The following DGKB variants were observed in gnomAD, a reference collection of about 807,000 sequenced individuals.
DGKB encodes the protein diacylglycerol kinase beta.
DGKB carries 67 observed loss-of-function variants against 114.3 expected under a neutral mutation model. That is an observed-to-expected ratio of 0.59 (90% CI 0.48 to 0.72). The LOEUF (loss-of-function observed/expected upper bound fraction) is 0.72. Among genes scored for constraint, DGKB ranks in the 30% least tolerant of loss-of-function variants. The probability of loss-of-function intolerance (pLI) is 0.00; values close to 1 mark genes in which losing one functional copy is unlikely to be tolerated. For missense variants in DGKB, 907 were observed against 975.2 expected (o/e 0.93, Z 0.93); for synonymous variants, 398 against 323.1 (o/e 1.23, Z -2.49).
At chr7:14,885,166 CT>C (rs1292583091) in intron 1 of DGKB, among the ~76,000 whole-genome samples, 1 of 151,880 alleles carries the variant, frequency 6.6e-6, no homozygotes, top group Non-Finnish European at 1.5e-5. Context: ...CAAAATCAGT[CT>C]GTGTAGGAAG....
At chr7:14,932,626 A>G (rs2128251412) in intron 1 of DGKB, among the ~76,000 whole-genome samples, 1 of 152,322 alleles carries the variant, frequency 6.6e-6, no homozygotes, top group African/African-American at 2.4e-5. Context: ...CATTCAAAAC[A>G]TAGACATCAT....
intron 1 of DGKB, among the ~76,000 whole-genome samples, chr7:14,972,765 C>A (rs9648195): frequency 0.38 from 57,353 of 151,464 alleles, 11,987 homozygotes; most frequent in East Asian, 0.63. Context: ...TTGCCTCTTT[C>A]AAAATTTTTA....
At chr7:14,665,325 G>A (rs1293834503) in intron 13 of DGKB, among the ~76,000 whole-genome samples, 1 of 151,906 alleles carries the variant, frequency 6.6e-6, no homozygotes. Flanking sequence ...ATGAGAGCTC[G>A]ATGATGAGAA....
At chr7:14,665,375 G>A (rs1165004360) in intron 13 of DGKB, among the ~76,000 whole-genome samples, 2 of 151,862 alleles carry the variant, frequency 1.3e-5, no homozygotes, top group African/African-American at 2.4e-5. Context: ...AGAGGGTGGA[G>A]GGTGGGAGGA....
At chr7:14,259,386 T>C (rs183211724) in intron 23 of DGKB, among the ~76,000 whole-genome samples, 158 of 72,638 alleles carry the variant, frequency 2.2e-3, no homozygotes, top group African/African-American at 7.6e-3. Flanking sequence ...AGTTTCTCTC[T>C]CTCTCTCTCT....
intron 15 of DGKB, among the ~76,000 whole-genome samples, chr7:14,614,982 T>C (rs1001240151): frequency 6.6e-6 from 1 of 152,066 alleles, no homozygotes; most frequent in African/African-American, 2.4e-5. Flanking sequence ...CGGATTGCAA[T>C]GGGTACCCCT....
At chr7:14,177,430 C>T (rs1338446715) in intron 24 of DGKB, among the ~76,000 whole-genome samples, 1 of 151,658 alleles carries the variant, frequency 6.6e-6, no homozygotes, top group Non-Finnish European at 1.5e-5. Context: ...TTGGCGGGTG[C>T]CTGTAATCCC....
chr7:14,242,472 C>G (rs1311793737), intron 23 of DGKB, among the ~76,000 whole-genome samples: 4 of 152,268 alleles, frequency 2.6e-5, no homozygotes, highest in South Asian at 4.1e-4. Context: ...ACTCAGATTA[C>G]TGCGTGTCTG....
At chr7:14,767,286 G>A (rs529269000) in intron 2 of DGKB, among the ~76,000 whole-genome samples, 224 of 151,994 alleles carry the variant, frequency 1.5e-3, no homozygotes, top group African/African-American at 5.1e-3. Context: ...CTTCATAGCA[G>A]AAGGTCTGGC....
intron 23 of DGKB, among the ~76,000 whole-genome samples, chr7:14,311,406 C>A (rs1459717062): frequency 6.6e-6 from 1 of 152,072 alleles, no homozygotes; most frequent in Non-Finnish European, 1.5e-5. Flanking sequence ...TCGCTTCACC[C>A]ACAACTTTAT....
At chr7:14,698,460 G>A (rs755041679) in intron 7 of DGKB, among the ~76,000 whole-genome samples, 5 of 152,046 alleles carry the variant, frequency 3.3e-5, no homozygotes, top group Non-Finnish European at 5.9e-5. Flanking sequence ...GAAGAAAGCA[G>A]GACCAAATAC....
Position 14,537,948 on chromosome 7 carries a change from C to T in DGKB, c.1770+36264G>A, listed in dbSNP as rs562747049. Among the ~76,000 whole-genome samples, 7 of 151,972 alleles carry T rather than the reference C, an allele frequency of 4.6e-5. No individual in the cohort carries two copies. The East Asian group carries it at 7.8e-4, about 17-fold the overall frequency. ...ATACAAAATTAGCCAGGCGTGGCGG[C>T]GCATGCCTGTAATACCAGCTACTCA... On this transcript the variant is annotated intron_variant, in intron 20 of 25. Coordinates refer to ENST00000402815, the MANE Select transcript of DGKB (RefSeq NM_001350709.2).
intron 23 of DGKB, among the ~76,000 whole-genome samples, chr7:14,276,060 A>C (rs1179675532): frequency 1.3e-5 from 2 of 152,156 alleles, no homozygotes; most frequent in Non-Finnish European, 2.9e-5. Context: ...GGGGCTTTTA[A>C]TATTCAAAAA....
At chr7:14,345,985 T>G (rs936827820) in intron 21 of DGKB, among the ~76,000 whole-genome samples, 5 of 151,492 alleles carry the variant, frequency 3.3e-5, no homozygotes, top group Admixed American at 1.3e-4. Context: ...GATTTTTATA[T>G]TATCTAGTAT....
intron 23 of DGKB, among the ~76,000 whole-genome samples, chr7:14,256,175 A>G (rs1795941977): frequency 6.6e-6 from 1 of 151,924 alleles, no homozygotes; most frequent in Non-Finnish European, 1.5e-5. Context: ...TTTTACTTTT[A>G]TCTCTCATAT....
chr7:14,825,016 GTATATA>G (rs67135250), intron 2 of DGKB, among the ~76,000 whole-genome samples: 4,163 of 92,286 alleles, frequency 0.045, 86 homozygotes, highest in East Asian at 0.057. Context: ...GTATGTGTAT[GTATATA>G]TATATATATA....
intron 17 of DGKB, among the ~76,000 whole-genome samples, chr7:14,595,595 T>C (rs547363382): frequency 6.7e-6 from 1 of 149,972 alleles, no homozygotes; most frequent in South Asian, 2.1e-4. Flanking sequence ...AAGTGATGTA[T>C]ATATATAAAT....
At chr7:14,911,672 A>T (rs753896096) in intron 1 of DGKB, among the ~76,000 whole-genome samples, 1 of 152,164 alleles carries the variant, frequency 6.6e-6, no homozygotes, top group East Asian at 1.9e-4. Context: ...CACCTGAGAA[A>T]GATGTATGTG....
chr7:14,683,033 T>C (rs1235938415), intron 10 of DGKB, among the ~76,000 whole-genome samples, 192 bp from the exon 11 acceptor site: 2 of 152,154 alleles, frequency 1.3e-5, no homozygotes, highest in Non-Finnish European at 2.9e-5. Context: ...GTACAGGAAA[T>C]ATTATGCATG....
Sources: gnomAD v4.1 joint callset for allele counts (sites outside exome capture counted in the v4.1 genomes callset) on GRCh38, gnomAD v4.1.1 for gene constraint, MANE v1.5 for transcripts, NCBI Gene and HGNC (gene_info 2026-07-23, HGNC 2026-07-21) for gene names.